The following WWOX variants were observed in gnomAD, a reference collection of about 807,000 sequenced individuals.
WWOX encodes WW domain-containing oxidoreductase.
A neutral mutation model predicts 46.2 loss-of-function variants in WWOX; 69 were observed. The observed-to-expected ratio is 1.49, with a 90% confidence interval of 1.23 to 1.82. The LOEUF (loss-of-function observed/expected upper bound fraction) is 1.82. Ranked by LOEUF, WWOX falls within the 40% of genes most tolerant of loss-of-function variation. The probability of loss-of-function intolerance (pLI) is 0.00; values close to 1 mark genes in which losing one functional copy is unlikely to be tolerated. For synonymous variants in WWOX, 359 were observed against 202.6 expected, an observed-to-expected ratio of 1.77 and a Z score of -6.56; for missense variants, 919 against 542.6, an observed-to-expected ratio of 1.69 and a Z score of -6.89.
chr16:78,206,624 A>G (rs1053548086), intron 5 of WWOX, among the ~76,000 whole-genome samples: 8 of 152,152 alleles, frequency 5.3e-5, no homozygotes, highest in Non-Finnish European at 7.4e-5. Flanking sequence ...CTGGTTTAAG[A>G]CTGAAGGGGT....
In WWOX at chr16:78,689,056, A is replaced by G. The variant is rs576605064; in HGVS notation, c.1056+256304A>G. Among the ~76,000 whole-genome samples the G allele has an allele frequency of 3.9e-5, 6 of 152,312 alleles. No homozygotes were observed. In the South Asian group the frequency reaches 8.3e-4, roughly 21 times the overall value. On this transcript the variant is annotated intron_variant, in intron 8 of 8. Coordinates refer to ENST00000566780, the MANE Select transcript of WWOX (RefSeq NM_016373.4). ...TGAGTCAGTTAAATCTCTTTGCTGT[A>G]TAAATTACCCAGGCTTGCATATGTC... is the stretch of plus-strand genomic sequence containing the variant.
At chr16:78,201,203 T>C (rs1169561851) in intron 5 of WWOX, among the ~76,000 whole-genome samples, 1 of 152,222 alleles carries the variant, frequency 6.6e-6, no homozygotes, top group Admixed American at 6.5e-5. Context: ...ATCGTTGAAG[T>C]AGGGAAGGAA....
chr16:78,936,048 G>C (rs2045730747), intron 8 of WWOX, among the ~76,000 whole-genome samples: 1 of 152,198 alleles, frequency 6.6e-6, no homozygotes, highest in Non-Finnish European at 1.5e-5. Flanking sequence ...AGGAGTGAAA[G>C]AGTGGAGACT....
intron 8 of WWOX, among the ~76,000 whole-genome samples, chr16:78,916,037 C>G (rs544191881): frequency 6.6e-6 from 1 of 152,160 alleles, no homozygotes; most frequent in Non-Finnish European, 1.5e-5. Flanking sequence ...GAATTTGGAA[C>G]CATTGTCTTC....
At chr16:78,114,696 C>CT (rs2032682121) in intron 3 of WWOX, among the ~76,000 whole-genome samples, 3 of 149,106 alleles carry the variant, frequency 2.0e-5, no homozygotes, top group Non-Finnish European at 2.9e-5. Flanking sequence ...CTCAAGAAGC[C>CT]TTTTTTGAGA....
At chr16:79,104,428 C>T (rs1321323489) in intron 8 of WWOX, among the ~76,000 whole-genome samples, 3 of 152,136 alleles carry the variant, frequency 2.0e-5, no homozygotes, top group South Asian at 2.1e-4. Context: ...GCTATAATGG[C>T]TTTATCATAT....
At chr16:78,653,063 C>T (rs1391322241) in intron 8 of WWOX, among the ~76,000 whole-genome samples, 1 of 151,992 alleles carries the variant, frequency 6.6e-6, no homozygotes, top group Admixed American at 6.6e-5. Flanking sequence ...GATAATCACT[C>T]TTAATATTTT....
At chr16:78,802,915 G>GAAAAAA (rs71376394) in intron 8 of WWOX, among the ~76,000 whole-genome samples, 165 of 10,438 alleles carry the variant, frequency 0.016, 23 homozygotes, top group Non-Finnish European at 0.024. Flanking sequence ...GACTTCATCT[G>GAAAAAA]AAAAAAAAAA....
At chr16:78,226,485 C>T (rs1472252846) in intron 5 of WWOX, among the ~76,000 whole-genome samples, 5 of 103,208 alleles carry the variant, frequency 4.8e-5, no homozygotes, top group Admixed American at 9.0e-5. Context: ...TCCTGTCTTC[C>T]CTCCCTCCCT....
At chr16:78,850,335 A>G (rs770448272) in intron 8 of WWOX, among the ~76,000 whole-genome samples, 40 of 152,342 alleles carry the variant, frequency 2.6e-4, no homozygotes, top group Non-Finnish European at 4.1e-4. Context: ...GTTATAATAC[A>G]TTGATACTAC....
chr16:78,949,158 C>A (rs953670565), intron 8 of WWOX, among the ~76,000 whole-genome samples: 6 of 152,174 alleles, frequency 3.9e-5, no homozygotes, highest in African/African-American at 1.4e-4. Context: ...ATAGGTTTGG[C>A]AGCAGATTCT....
chr16:78,167,757 G>A (rs1160772888), intron 5 of WWOX: 2 of 152,192 alleles, frequency 1.3e-5, no homozygotes, highest in Non-Finnish European at 2.9e-5. Flanking sequence ...CAGAGAGGAT[G>A]TGAAGTCGTA....
chr16:78,950,556 A>AGT, intron 8 of WWOX, among the ~76,000 whole-genome samples: 1 of 149,018 alleles, frequency 6.7e-6, no homozygotes, highest in African/African-American at 2.4e-5. Flanking sequence ...ACACACACAC[A>AGT]CACACACACG....
At chr16:78,708,575 G>C (rs2048373889) in intron 8 of WWOX, among the ~76,000 whole-genome samples, 1 of 152,254 alleles carries the variant, frequency 6.6e-6, no homozygotes, top group African/African-American at 2.4e-5. Context: ...GGGTGTACTT[G>C]TTACCCCTTT....
intron 8 of WWOX, among the ~76,000 whole-genome samples, chr16:78,554,504 C>T (rs954501516): frequency 3.3e-5 from 5 of 152,058 alleles, no homozygotes; most frequent in African/African-American, 1.2e-4. Flanking sequence ...TACATACATA[C>T]ACATATATGC....
chr16:78,601,109 T>C (rs1022779042), intron 8 of WWOX, among the ~76,000 whole-genome samples: 1 of 152,172 alleles, frequency 6.6e-6, no homozygotes, highest in Non-Finnish European at 1.5e-5. Flanking sequence ...TCAGGGTGTA[T>C]AAGTGACATG....
chr16:79,008,624 G>A (rs537826725), intron 8 of WWOX, among the ~76,000 whole-genome samples: 18 of 152,250 alleles, frequency 1.2e-4, no homozygotes, highest in African/African-American at 3.9e-4. Flanking sequence ...CATGCCAAAG[G>A]CCATGGAAGG....
chr16:78,467,201 G>A (rs1205217233), intron 8 of WWOX, among the ~76,000 whole-genome samples: 1 of 152,156 alleles, frequency 6.6e-6, no homozygotes, highest in Non-Finnish European at 1.5e-5. Flanking sequence ...TAGGCTGGAA[G>A]TAAATTTAAA....
Position 78,759,154 on chromosome 16 carries a change from A to G in WWOX, c.1056+326402A>G, listed in dbSNP as rs77801903. Among the ~76,000 whole-genome samples, 961 of 152,202 alleles carry G rather than the reference A, an allele frequency of 6.3e-3. 9 individuals carry two copies. Among genetic ancestry groups the G allele is most frequent in the African/African-American group, 0.019 (777 of 41,542 alleles). ...TCTGTGCAATTTTTTCAGTGAAGTTATATGTGGTGCTTAGTGGTGACTATG... is the reference window on the plus strand; with the variant it reads ...TCTGTGCAATTTTTTCAGTGAAGTTGTATGTGGTGCTTAGTGGTGACTATG... On this transcript the variant is annotated intron_variant, in intron 8 of 8. Transcript: ENST00000566780.
Sources: gnomAD v4.1 joint callset for allele counts (sites outside exome capture counted in the v4.1 genomes callset) on GRCh38, gnomAD v4.1.1 for gene constraint, MANE v1.5 for transcripts, NCBI Gene and HGNC (gene_info 2026-07-23, HGNC 2026-07-21) for gene names.